TCF7L2: variants seen among roughly 807,000 people sequenced by gnomAD.
TCF7L2 encodes the protein transcription factor 7 like 2, also known as transcription factor 7-like 2.
In TCF7L2, 23 loss-of-function variants were observed where a neutral mutation model predicts 77.9. The ratio of observed to expected loss-of-function variants is 0.30; its 90% CI spans 0.21 to 0.42. TCF7L2 has a LOEUF of 0.42. Ranked by LOEUF, TCF7L2 falls within the 10% of genes least tolerant of loss-of-function variation. The pLI is 1.00. For missense variants in TCF7L2, 654 were observed against 793.1 expected, an observed-to-expected ratio of 0.82 and a Z score of 2.11; for synonymous variants, 413 against 340.2, an observed-to-expected ratio of 1.21 and a Z score of -2.36.
intron 4 of TCF7L2, among the ~76,000 whole-genome samples, chr10:112,973,217 G>A (rs2038665002): frequency 6.6e-6 from 1 of 152,228 alleles, no homozygotes; most frequent in Non-Finnish European, 1.5e-5. Flanking sequence ...CTGTAAGCTT[G>A]GAACGGGTCC....
At chr10:113,093,762 A>T (rs777307720) in intron 5 of TCF7L2, among the ~76,000 whole-genome samples, 1 of 152,230 alleles carries the variant, frequency 6.6e-6, no homozygotes, top group Non-Finnish European at 1.5e-5. Context: ...GGCTATTAAC[A>T]TGTTTAATAG....
intron 5 of TCF7L2, among the ~76,000 whole-genome samples, chr10:113,057,850 T>C (rs908569128): frequency 6.6e-6 from 1 of 152,030 alleles, no homozygotes; most frequent in South Asian, 2.1e-4. Flanking sequence ...CGGCTGAAAA[T>C]GGGCAAGGTA....
chr10:112,969,120 C>G lies in TCF7L2; in HGVS notation c.450+4496C>G, dbSNP rs558612458. ...CCCCAGAAGTCTACCTTGTTTCCCC[C>G]TTTTTCCAGTTATTTGGCTTCTTCC... On this transcript the variant is annotated intron_variant, in intron 4 of 13. Coordinates refer to ENST00000627217, the MANE Select transcript of TCF7L2 (RefSeq NM_001146274.2). 4.6e-5 allele frequency among the ~76,000 whole-genome samples: 7 copies of G among 152,260 alleles called. No individual in the cohort carries two copies. In the East Asian group the frequency reaches 1.2e-3, roughly 25 times the overall value.
At chr10:113,088,131 C>G (rs1396210432) in intron 5 of TCF7L2, among the ~76,000 whole-genome samples, 1 of 152,028 alleles carries the variant, frequency 6.6e-6, no homozygotes, top group Non-Finnish European at 1.5e-5. Context: ...AAGGGCATAG[C>G]TATTTCTTTT....
At chr10:113,072,846 A>G (rs1015501347) in intron 5 of TCF7L2, among the ~76,000 whole-genome samples, 3 of 152,292 alleles carry the variant, frequency 2.0e-5, no homozygotes, top group African/African-American at 7.2e-5. Context: ...TTGGGAAGAA[A>G]TGAAAAAAGA....
At chr10:113,117,363 T>C (rs2063860063) in intron 5 of TCF7L2, among the ~76,000 whole-genome samples, 1 of 129,736 alleles carries the variant, frequency 7.7e-6, no homozygotes. Flanking sequence ...CTTGAAGGGA[T>C]TTTCTCTCTC....
At chr10:113,124,191 C>A (rs1371824768) in intron 5 of TCF7L2, among the ~76,000 whole-genome samples, 1 of 55,630 alleles carries the variant, frequency 1.8e-5, no homozygotes, top group Non-Finnish European at 3.4e-5. Flanking sequence ...AAGTAGAAAC[C>A]TTAAAAAAAA....
rs2136990058 is a variant in TCF7L2 at position 113,146,056 on chromosome 10, C to A, written c.834C>A (p.His278Gln). Residue 278 changes from histidine (H) to glutamine (Q), a missense_variant, in exon 8 of 14, where the codon CAC becomes CAA. His to Gln is a conservative substitution (Grantham distance 24). Transcript: ENST00000627217. ...CAATCACGACAGGAGGATTCAGACA[C>A]CCCTACCCCACAGCTCTGACCGTCA... is the stretch of plus-strand genomic sequence containing the variant. 1.3e-6 allele frequency: 2 copies of A among 1,598,674 alleles called. No individual in the cohort carries two copies. The highest frequency in any genetic ancestry group is 1.7e-6 in the Non-Finnish European group (2 of 1,171,668).
intron 5 of TCF7L2, among the ~76,000 whole-genome samples, chr10:113,072,424 G>A (rs369612353): frequency 2.0e-5 from 3 of 151,894 alleles, no homozygotes; most frequent in Admixed American, 6.6e-5. Flanking sequence ...GTGGGATCTC[G>A]CCTCACTGCA....
intron 5 of TCF7L2, chr10:113,129,736 G>A: frequency 8.1e-7 from 1 of 1,239,908 alleles, no homozygotes; most frequent in Non-Finnish European, 1.0e-6. Flanking sequence ...TTAAAGGGAG[G>A]GGAAGCTGGG....
chr10:113,043,525 G>A (rs530641251), intron 5 of TCF7L2, among the ~76,000 whole-genome samples: 8 of 152,190 alleles, frequency 5.3e-5, no homozygotes, highest in African/African-American at 1.7e-4. Flanking sequence ...TGCCTTCATT[G>A]GCTGGCCCAA....
chr10:113,095,524 G>C (rs1048850188), intron 5 of TCF7L2, among the ~76,000 whole-genome samples: 4 of 152,112 alleles, frequency 2.6e-5, no homozygotes, highest in African/African-American at 9.7e-5. Context: ...TGCCTCCCTG[G>C]GAATTTTTAA....
intron 5 of TCF7L2, among the ~76,000 whole-genome samples, chr10:113,056,487 A>T (rs535647365): frequency 6.6e-6 from 1 of 152,150 alleles, no homozygotes; most frequent in Non-Finnish European, 1.5e-5. Context: ...GAAGAATTCC[A>T]TATTTCATGT....
At chr10:113,108,861 C>T (rs1591797066) in intron 5 of TCF7L2, among the ~76,000 whole-genome samples, 2 of 152,182 alleles carry the variant, frequency 1.3e-5, no homozygotes, top group African/African-American at 2.4e-5. Context: ...CATTCCCTGC[C>T]GGTGACTTTT....
At chr10:113,163,643 T>C (rs2073552772) in intron 13 of TCF7L2, among the ~76,000 whole-genome samples, 1 of 152,094 alleles carries the variant, frequency 6.6e-6, no homozygotes, top group Admixed American at 6.5e-5. Context: ...GCAGAACCCA[T>C]AGTCTATTTA....
rs1316131262 is a variant in TCF7L2 at position 112,950,923 on chromosome 10, A to G, written c.167A>G (p.Gln56Arg). 6.2e-7 allele frequency: 1 copy of G among 1,611,842 alleles called. No homozygotes were observed. Among genetic ancestry groups the G allele is most frequent in the Admixed American group, 1.7e-5 (1 of 59,522 alleles). ...CTAGTCAATGAATCAGAAACGAATCAAAACAGCTCCTCCGATTCCGAGGTA... is the reference window on the plus strand; with the variant it reads ...CTAGTCAATGAATCAGAAACGAATCGAAACAGCTCCTCCGATTCCGAGGTA... Residue 56 changes from glutamine (Q) to arginine (R), a missense_variant, in exon 1 of 14, where the codon CAA (glutamine) becomes CGA (arginine). Transcript: ENST00000627217.
In TCF7L2 at chr10:112,995,648, C is replaced by G. The variant is rs189395922; in HGVS notation, c.450+31024C>G. ...TATTCTGTGACTCAAATTATCTTCT[C>G]CTAAGCCCACTACTGCCTGGTGTGT... On this transcript the variant is annotated intron_variant, in intron 4 of 13. Transcript: ENST00000627217. 1.9e-3 allele frequency among the ~76,000 whole-genome samples: 295 copies of G among 152,268 alleles called. 3 individuals carry two copies. The highest frequency in any genetic ancestry group is 1.8e-3 in the Non-Finnish European group (123 of 68,016).
chr10:113,129,895 A>G, intron 5 of TCF7L2: 1 of 1,291,932 alleles, frequency 7.7e-7, no homozygotes. Flanking sequence ...TTTAGTGGGA[A>G]TGGAAGATTT....
chr10:113,073,921 G>A (rs1032032895), intron 5 of TCF7L2, among the ~76,000 whole-genome samples: 1 of 152,170 alleles, frequency 6.6e-6, no homozygotes, highest in Non-Finnish European at 1.5e-5. Context: ...ATGATGATAC[G>A]TTATAGCATT....
Sources: allele counts gnomAD v4.1 joint callset (sites outside exome capture counted in the v4.1 genomes callset), GRCh38; gene constraint gnomAD v4.1.1; transcripts MANE v1.5; gene names NCBI Gene and HGNC (gene_info 2026-07-23, HGNC 2026-07-21).